Variants in PTPN21 observed in about 807,000 individuals in gnomAD.
The protein encoded by PTPN21 is protein tyrosine phosphatase non-receptor type 21, also known as tyrosine-protein phosphatase non-receptor type 21.
PTPN21 carries 77 observed loss-of-function variants against 131.8 expected under a neutral mutation model. The ratio of observed to expected loss-of-function variants is 0.58; its 90% confidence interval spans 0.49 to 0.71. The LOEUF (loss-of-function observed/expected upper bound fraction) is 0.71. Ranked by LOEUF, PTPN21 falls within the 30% of genes least tolerant of loss-of-function variation. PTPN21 has a pLI of 0.00. For synonymous variants in PTPN21, 715 were observed against 621.3 expected, an observed-to-expected ratio of 1.15 and a Z score of -2.24; for missense variants, 1,552 against 1,527.1, an observed-to-expected ratio of 1.02 and a Z score of -0.27.
At position 88,517,121 on chromosome 14, in the gene PTPN21, T is replaced by C. The variant is rs781610072; in HGVS notation, c.321A>G (p.Ser107=). Reference sequence around the variant, plus strand: ...TAATCTCCTGCTGCAGCTGAGAAACTGAAGGCACATAAAACACCACTCCAA... The same window carrying C: ...TAATCTCCTGCTGCAGCTGAGAAACCGAAGGCACATAAAACACCACTCCAA... ...VYFGVVFYVP[S]VSQLQQEITR... The change falls in exon 3 of 19, where the codon TCA becomes TCG. Residue 107 remains serine (S), a synonymous_variant. Transcript: ENST00000556564. The C allele has an allele frequency of 6.2e-7, 1 of 1,613,992 alleles. No individual in the cohort carries two copies. The highest frequency in any genetic ancestry group is 8.5e-7 in the Non-Finnish European group (1 of 1,179,912).
chr14:88,511,185 GGATTACAA>G, intron 3 of PTPN21, among the ~76,000 whole-genome samples: 1 of 151,946 alleles, frequency 6.6e-6, no homozygotes, highest in Non-Finnish European at 1.5e-5. Context: ...CAAAGTGCTG[GGATTACAA>G]GCATGAGCTA....
chr14:88,486,669 GA>G (rs2077737878), intron 10 of PTPN21, among the ~76,000 whole-genome samples: 1 of 151,972 alleles, frequency 6.6e-6, no homozygotes, highest in African/African-American at 2.4e-5. Context: ...GATTTGTTTT[GA>G]ATATACTTTT....
At chr14:88,502,778 A>AAT (rs1358009839) in intron 6 of PTPN21, among the ~76,000 whole-genome samples, 2 of 152,158 alleles carry the variant, frequency 1.3e-5, no homozygotes, top group Non-Finnish European at 2.9e-5. Flanking sequence ...GGATTTAACC[A>AAT]ACTTGTAGGA....
intron 4 of PTPN21, 61 bp downstream of exon 4, chr14:88,507,862 A>G (rs1273229974): frequency 2.0e-6 from 2 of 1,012,166 alleles, no homozygotes; most frequent in African/African-American, 3.2e-5. Context: ...ATCCCTTGCT[A>G]TTTTGTTGTA....
chr14:88,537,340 T>C (rs1487054713), intron 2 of PTPN21, among the ~76,000 whole-genome samples: 1 of 152,176 alleles, frequency 6.6e-6, no homozygotes, highest in East Asian at 1.9e-4. Flanking sequence ...TCCACATGGA[T>C]GAACTGCTTA....
chr14:88,504,495 C>A lies in PTPN21; in HGVS notation c.517G>T (p.Gly173Ter). Residue 173 changes from glycine to a stop codon, truncating the protein, a stop_gained and splice_region_variant, in exon 6 of 19, where the codon GGA becomes TGA. Transcript: ENST00000556564. LOFTEE classifies it high-confidence loss of function. The stretch of plus-strand genomic sequence containing the variant: ...AATACTTTTTCATCTTGTAACCATC[C>A]CTGAAGAAAACACACAGTGGTAAGT... ...FLQKFALFPV[G>*]WLQDEKVLEE... is the part of the protein sequence containing the mutation. 6.2e-7 allele frequency: 1 copy of A among 1,611,912 alleles called. No individual in the cohort carries two copies. Among genetic ancestry groups the A allele is most frequent in the Non-Finnish European group, 8.5e-7 (1 of 1,178,212 alleles).
rs143215336 is a variant in PTPN21, at chr14:88,493,424, T to C, written c.932+2989A>G. Among the ~76,000 whole-genome samples the C allele has an allele frequency of 3.2e-3, 482 of 152,224 alleles. 2 individuals are homozygous for C. The highest frequency in any genetic ancestry group is 0.011 in the African/African-American group (447 of 41,528). ...TTAGCAAAGGCCTGGGCTGGGGGCA[T>C]TCACATGATAAGGAAAGATGCCTTC... is the stretch of plus-strand genomic sequence containing the variant. On this transcript the variant is annotated intron_variant, in intron 10 of 18. Coordinates refer to ENST00000556564, the MANE Select transcript of PTPN21 (RefSeq NM_007039.4).
In PTPN21 at chr14:88,469,563, G is replaced by A; in HGVS notation, c.3171C>T (p.Val1057=). 6.2e-7 allele frequency: 1 copy of A among 1,614,164 alleles called. No individual in the cohort carries two copies. The highest frequency in any genetic ancestry group is 1.6e-4 in the Middle Eastern group (1 of 6,062). Residue 1057 remains valine, a synonymous_variant, in exon 17 of 19, where the codon GTC becomes GTT. Transcript: ENST00000556564. This position sits in a 1 kb window ranked among gnomAD's most constrained non-coding sequence, Gnocchi z 4.3. ...GCCAGTCTGTGTATTGGAGGTGCCA[G>A]ACGGTCCTCTCTTGCCCAGTAAGGA... The part of the protein sequence containing the change: ...KHLLTGQERT[V]WHLQYTDWPE...
chr14:88,501,707 G>A (rs2078010760), intron 6 of PTPN21, among the ~76,000 whole-genome samples: 1 of 152,102 alleles, frequency 6.6e-6, no homozygotes, highest in Non-Finnish European at 1.5e-5. Context: ...GGCTGGGCAT[G>A]GTGACTCATG....
In PTPN21 at chr14:88,479,080, T is replaced by C. The variant is rs1359898150; in HGVS notation, c.2351A>G (p.Gln784Arg). 1 of 1,596,374 alleles carries C rather than the reference T, an allele frequency of 6.3e-7. No individual in the cohort carries two copies. Among genetic ancestry groups the C allele is most frequent in the Non-Finnish European group, 8.5e-7 (1 of 1,172,060 alleles). ...SSPVRTTAEA[Q>R]RPWRDGLLMP... ...CAGCAGCCCGTCTCTCCAGGGCCGC[T>C]GGGCCTCTGCGGTCGTGCGGACGGG... The change falls in exon 13 of 19, where the codon CAG becomes CGG. Residue 784 changes from glutamine to arginine, a missense_variant. Physicochemically the swap from Gln to Arg is conservative, Grantham distance 43 (BLOSUM62 1). Transcript: ENST00000556564.
At chr14:88,517,530 C>A (rs1298799384) in intron 2 of PTPN21, among the ~76,000 whole-genome samples, 1 of 151,818 alleles carries the variant, frequency 6.6e-6, no homozygotes, top group Non-Finnish European at 1.5e-5. Context: ...CATTCACGAC[C>A]TAGACACTGG....
intron 8 of PTPN21, among the ~76,000 whole-genome samples, chr14:88,500,381 G>A (rs950118139): frequency 6.6e-6 from 1 of 152,168 alleles, no homozygotes; most frequent in Admixed American, 6.5e-5. Context: ...AGTGAGTGGT[G>A]ACTGTACCAC....
intron 2 of PTPN21, among the ~76,000 whole-genome samples, chr14:88,545,941 G>T (rs182753774): frequency 1.4e-5 from 2 of 147,316 alleles, no homozygotes; most frequent in East Asian, 4.0e-4. Flanking sequence ...GCAGTGAGCC[G>T]AGATCGCGCC....
At position 88,468,926 on chromosome 14, in the gene PTPN21, T is replaced by G; in HGVS notation, c.3386A>C (p.Glu1129Ala). The change falls in exon 18 of 19, where the codon GAA becomes GCA. Residue 1129 changes from glutamate to alanine, a missense_variant. Transcript: ENST00000556564. The part of the protein sequence containing the change: ...ILSEIMIACL[E>A]HNEVLDIPRV... ...CATAAGCGCCATCACCTCATTGTGT[T>G]CCAGGCAGGCGATCATGATCTCCGA... The G allele has an allele frequency of 1.2e-6, 2 of 1,614,148 alleles. No individual in the cohort carries two copies. Among genetic ancestry groups the G allele is most frequent in the Non-Finnish European group, 1.7e-6 (2 of 1,180,022 alleles).
intron 8 of PTPN21, among the ~76,000 whole-genome samples, 169 bp from the exon 9 acceptor site, chr14:88,497,459 C>T (rs2077937320): frequency 1.3e-5 from 2 of 152,168 alleles, no homozygotes; most frequent in South Asian, 4.1e-4. Context: ...CATGGTGAAA[C>T]CCTGTCTCTA....
intron 2 of PTPN21, among the ~76,000 whole-genome samples, chr14:88,521,658 G>A (rs8008162): frequency 6.7e-6 from 1 of 149,792 alleles, no homozygotes; most frequent in Admixed American, 6.6e-5. Context: ...TGATCTGCCC[G>A]CCTCGGCCTC....
At chr14:88,525,380 A>C (rs1426641401) in intron 2 of PTPN21, among the ~76,000 whole-genome samples, 3 of 152,240 alleles carry the variant, frequency 2.0e-5, no homozygotes, top group Admixed American at 2.0e-4. Context: ...ACAGAAAGAA[A>C]CAACCCAATA....
intron 8 of PTPN21, 89 bp downstream of exon 8, chr14:88,500,693 AC>A (rs1306322587): frequency 1.1e-6 from 1 of 882,588 alleles, no homozygotes; most frequent in African/African-American, 1.7e-5. Context: ...CTTGGTATAG[AC>A]TTGTGAACAA....
intron 2 of PTPN21, among the ~76,000 whole-genome samples, chr14:88,519,590 G>A (rs1276381924): frequency 6.6e-6 from 1 of 152,074 alleles, no homozygotes; most frequent in Non-Finnish European, 1.5e-5. Flanking sequence ...TAATTTGCAA[G>A]GGAAAAGATT....
Sources: gnomAD v4.1 joint callset for allele counts (sites outside exome capture counted in the v4.1 genomes callset) on GRCh38, gnomAD v4.1.1 for gene constraint, Gnocchi (gnomAD v3.1) non-coding constraint, MANE v1.5 for transcripts, NCBI Gene and HGNC (gene_info 2026-07-23, HGNC 2026-07-21) for gene names.